BICRA: variants seen among roughly 807,000 people sequenced by gnomAD.
BICRA encodes BRD4 interacting chromatin remodeling complex associated protein.
In BICRA, 31 loss-of-function variants were observed where a neutral mutation model predicts 96.9. The observed-to-expected ratio is 0.32, with a 90% confidence interval of 0.24 to 0.43. The LOEUF (loss-of-function observed/expected upper bound fraction) is 0.43. BICRA is among the 20% of genes least tolerant of loss of function. The pLI is 1.00. For missense variants in BICRA, 2,283 were observed against 2,190.3 expected (o/e 1.04, Z -0.84); for synonymous variants, 1,350 against 1,071.8 (o/e 1.26, Z -5.07).
intron 7 of BICRA, 82 bp downstream of exon 7, chr19:47,682,234 G>A (rs912804034): frequency 3.4e-5 from 21 of 622,402 alleles, no homozygotes; most frequent in Middle Eastern, 4.4e-4. Flanking sequence ...CTCGCTCTCC[G>A]CCCTGCCTGC....
intron 1 of BICRA, among the ~76,000 whole-genome samples, chr19:47,637,039 C>T (rs1384088372): frequency 6.6e-6 from 1 of 152,086 alleles, no homozygotes; most frequent in Non-Finnish European, 1.5e-5. Context: ...AACTCCCTTG[C>T]GCGTCTCTCT....
intron 1 of BICRA, among the ~76,000 whole-genome samples, chr19:47,620,975 C>A (rs1972057360): frequency 6.6e-6 from 1 of 152,098 alleles, no homozygotes; most frequent in Admixed American, 6.6e-5. Flanking sequence ...CATTGCTTGT[C>A]CTGACCCTGG....
chr19:47,616,063 A>G (rs1212387908), intron 1 of BICRA: 1 of 152,470 alleles, frequency 6.6e-6, no homozygotes, highest in Non-Finnish European at 1.5e-5. Context: ...ACTGCATGGC[A>G]GCAGAGGGCA....
intron 1 of BICRA, among the ~76,000 whole-genome samples, chr19:47,636,753 C>G (rs537833936): frequency 6.6e-6 from 1 of 152,178 alleles, no homozygotes; most frequent in Non-Finnish European, 1.5e-5. Context: ...GGTGATCCTC[C>G]GATCTTGGCC....
At position 47,681,225 on chromosome 19, in the gene BICRA, C is replaced by A; in HGVS notation, c.2055C>A (p.Ala685=). ...TCGTCCTGGGGCAGCCGCCCTCTGC[C>A]ACCCCCACGGCCATCCTCACTCAGG... The part of the protein sequence containing the change: ...EKIVLGQPPS[A]TPTAILTQDS... Residue 685 remains alanine, a synonymous_variant, in exon 6 of 15, where the codon GCC becomes GCA. Coordinates refer to ENST00000594866, the MANE Select transcript of BICRA (RefSeq NM_001394372.1). 1 of 1,536,426 alleles carries A rather than the reference C, an allele frequency of 6.5e-7. No individual in the cohort carries two copies. The highest frequency in any genetic ancestry group is 8.7e-7 in the Non-Finnish European group (1 of 1,146,770).
intron 1 of BICRA, among the ~76,000 whole-genome samples, chr19:47,613,065 G>A (rs911698783): frequency 1.3e-5 from 2 of 152,186 alleles, no homozygotes; most frequent in Admixed American, 6.5e-5. Flanking sequence ...AGAAGTCCGA[G>A]TGAGGCCCTA....
intron 1 of BICRA, among the ~76,000 whole-genome samples, chr19:47,639,520 G>A (rs1487759891): frequency 7.3e-5 from 11 of 151,382 alleles, no homozygotes; most frequent in African/African-American, 2.7e-4. Flanking sequence ...TAGTAGAGAC[G>A]GGGTTTCACC....
rs1973502053 is a variant in BICRA at position 47,703,273 on chromosome 19, CTG to C, written c.*860_*861del. The C allele has an allele frequency of 1.3e-5, 2 of 152,340 alleles. No individual in the cohort carries two copies. Among genetic ancestry groups the C allele is most frequent in the African/African-American group, 4.8e-5 (2 of 41,342 alleles). 9.4% of individuals were successfully genotyped at this position (152,340 alleles called of 1,614,324 possible). Reference sequence around the variant, plus strand: ...TTAAAAACCGATCCTTTTTTTAAAACTGTACTCATGCCCCCTTGGCCCATTGC... The same window carrying C: ...TTAAAAACCGATCCTTTTTTTAAAACTACTCATGCCCCCTTGGCCCATTGC... On this transcript the variant is annotated 3_prime_UTR_variant, in exon 15 of 15. Coordinates refer to ENST00000594866, the MANE Select transcript of BICRA (RefSeq NM_001394372.1).
At chr19:47,649,103 G>A (rs780038144) in intron 1 of BICRA, among the ~76,000 whole-genome samples, 1 of 151,828 alleles carries the variant, frequency 6.6e-6, no homozygotes, top group South Asian at 2.1e-4. Flanking sequence ...TGCCTGCCTC[G>A]GCATCCCAAA....
At position 47,680,886 on chromosome 19, in the gene BICRA, A is replaced by G. The variant is rs2123587996; in HGVS notation, c.1716A>G (p.Pro572=). 1 of 1,468,632 alleles carries G rather than the reference A, an allele frequency of 6.8e-7. No homozygotes were observed. Among genetic ancestry groups the G allele is most frequent in the Non-Finnish European group, 8.9e-7 (1 of 1,120,762 alleles). The allele number at this position is 1,468,632 out of a possible 1,614,324, so 91.0% of individuals were successfully genotyped here. A position where few individuals can be genotyped will look rare whatever the true frequency, so the allele number is the denominator to read the frequency against. The stretch of plus-strand genomic sequence containing the variant: ...GCAGCCTGCCCACGCAGAGCCAGCC[A>G]GCGCCCGCCGGGCCGGCCGCCACCA... ...AAGSLPTQSQ[P]APAGPAATTV... Residue 572 remains proline (P), a synonymous_variant, in exon 6 of 15, where the codon CCA becomes CCG. Coordinates refer to ENST00000594866, the MANE Select transcript of BICRA (RefSeq NM_001394372.1).
At chr19:47,692,616 A>G (rs1049920659) in intron 7 of BICRA, among the ~76,000 whole-genome samples, 2 of 152,222 alleles carry the variant, frequency 1.3e-5, no homozygotes, top group African/African-American at 4.8e-5. Context: ...GCTGCCTTCC[A>G]GGAGGCAGTC....
At position 47,698,530 on chromosome 19, in the gene BICRA, G is replaced by T. The variant is rs1973384095; in HGVS notation, c.3249-104G>T. 1.5e-6 allele frequency: 1 copy of T among 686,678 alleles called. No homozygotes were observed. The allele number at this position is 686,678 out of a possible 1,614,324, so 42.5% of individuals were successfully genotyped here. A position where few individuals can be genotyped will look rare whatever the true frequency, so the allele number is the denominator to read the frequency against. ...CCCAAGTATTCCCCTTCCCGCTGTT[G>T]TGTTCAGTTGCGGCCTGGGGCTGAG... On this transcript the variant is annotated intron_variant, in intron 11 of 14. Coordinates refer to ENST00000594866, the MANE Select transcript of BICRA (RefSeq NM_001394372.1). The surrounding 1 kb of genome is among the most constrained non-coding windows in gnomAD (Gnocchi z 4.8).
intron 5 of BICRA, chr19:47,678,940 G>A (rs1374225774): frequency 1.7e-5 from 3 of 175,312 alleles, no homozygotes; most frequent in African/African-American, 2.7e-5. Flanking sequence ...CCCTGTCACC[G>A]AGGCTGGAGT....
chr19:47,686,435 G>A (rs192305964), intron 7 of BICRA, among the ~76,000 whole-genome samples: 299 of 152,092 alleles, frequency 2.0e-3, no homozygotes, highest in African/African-American at 6.8e-3. Flanking sequence ...CCAGGCTGGA[G>A]TGTAGTGGCA....
chr19:47,682,176 G>A (rs1472297495), intron 7 of BICRA, 24 bp downstream of exon 7: 1 of 1,205,090 alleles, frequency 8.3e-7, no homozygotes, highest in Non-Finnish European at 1.2e-6. Context: ...AGCAGCCTGT[G>A]TCCGCAGCAC....
chr19:47,694,093 T>TC, intron 7 of BICRA, 22 bp from the exon 8 acceptor site: 4 of 428,660 alleles, frequency 9.3e-6, no homozygotes, highest in South Asian at 4.3e-5. Context: ...GCCCCTCCCC[T>TC]CTCCCTCCCT....
At chr19:47,657,040 T>C (rs901507421) in intron 1 of BICRA, among the ~76,000 whole-genome samples, 33 of 151,916 alleles carry the variant, frequency 2.2e-4, no homozygotes, top group African/African-American at 7.3e-4. Context: ...TTTTTGTATT[T>C]TTAGTAGAGA....
At chr19:47,627,791 A>G (rs770297349) in intron 1 of BICRA, among the ~76,000 whole-genome samples, 4 of 151,994 alleles carry the variant, frequency 2.6e-5, no homozygotes, top group Non-Finnish European at 5.9e-5. Flanking sequence ...GTTTTTTGAG[A>G]CAGAGTCTTG....
intron 1 of BICRA, among the ~76,000 whole-genome samples, chr19:47,609,376 C>CTTT (rs774981061): frequency 1.6e-3 from 44 of 27,626 alleles, no homozygotes; most frequent in African/African-American, 7.0e-3. Context: ...CCGCTGCCTC[C>CTTT]TTTTTTTTTT....
Sources: gnomAD v4.1 joint callset for allele counts (sites outside exome capture counted in the v4.1 genomes callset) on GRCh38, gnomAD v4.1.1 for gene constraint, Gnocchi (gnomAD v3.1) non-coding constraint, MANE v1.5 for transcripts, NCBI Gene and HGNC (gene_info 2026-07-23, HGNC 2026-07-21) for gene names.